The following NCALD variants were observed in gnomAD, a reference collection of about 807,000 sequenced individuals.
The protein encoded by NCALD is neurocalcin-delta.
A neutral mutation model predicts 18.6 loss-of-function variants in NCALD; 10 were observed. The ratio of observed to expected loss-of-function variants is 0.54; its 90% CI spans 0.33 to 0.91. NCALD has a LOEUF of 0.91. NCALD is among the 40% of genes least tolerant of loss of function. The pLI is 0.03. For missense variants in NCALD, 184 were observed against 247.6 expected, an observed-to-expected ratio of 0.74 and a Z score of 1.72; for synonymous variants, 88 against 87.4, an observed-to-expected ratio of 1.01 and a Z score of -0.04.
chr8:102,084,754 G>A (rs368599288), intron 1 of NCALD, among the ~76,000 whole-genome samples: 3 of 152,188 alleles, frequency 2.0e-5, no homozygotes, highest in Non-Finnish European at 4.4e-5. Flanking sequence ...CAACTCCGGA[G>A]ATCTTATCAG....
At chr8:101,901,321 A>G (rs1259864052) in intron 3 of NCALD, among the ~76,000 whole-genome samples, 1 of 151,702 alleles carries the variant, frequency 6.6e-6, no homozygotes, top group African/African-American at 2.4e-5. Flanking sequence ...CATTATGTCA[A>G]TCATCTTTCA....
intron 2 of NCALD, among the ~76,000 whole-genome samples, chr8:101,975,560 T>C (rs6981347): frequency 0.46 from 69,236 of 152,036 alleles, 16,128 homozygotes; most frequent in African/African-American, 0.54. Context: ...GGCTCCTGTG[T>C]CCAACACACC....
At chr8:101,948,670 C>A (rs1819272090) in intron 2 of NCALD, among the ~76,000 whole-genome samples, 1 of 152,076 alleles carries the variant, frequency 6.6e-6, no homozygotes, top group African/African-American at 2.4e-5. Context: ...TGTGTCCCAC[C>A]AAAGGAAGAA....
At chr8:101,956,029 T>G (rs1213087783) in intron 2 of NCALD, among the ~76,000 whole-genome samples, 1 of 152,162 alleles carries the variant, frequency 6.6e-6, no homozygotes, top group African/African-American at 2.4e-5. Flanking sequence ...AGCAAAAATG[T>G]GAACCCATAG....
chr8:102,030,414 A>G (rs914838530), intron 1 of NCALD, among the ~76,000 whole-genome samples: 4 of 152,258 alleles, frequency 2.6e-5, no homozygotes, highest in African/African-American at 9.6e-5. Flanking sequence ...TTTCAGAAAG[A>G]TAACTGCAAT....
intron 2 of NCALD, among the ~76,000 whole-genome samples, chr8:101,990,869 T>C (rs1420592667): frequency 2.6e-5 from 4 of 152,122 alleles, no homozygotes; most frequent in Non-Finnish European, 4.4e-5. Context: ...TATCTATTAG[T>C]AGATATCATA....
chr8:101,759,170 G>A (rs79331803), intron 1 of NCALD, among the ~76,000 whole-genome samples: 6,962 of 152,236 alleles, frequency 0.046, 379 homozygotes, highest in African/African-American at 0.13. Context: ...AGACAAAGAA[G>A]CATTCATAAA....
At chr8:101,844,287 C>A (rs1814774042) in intron 4 of NCALD, among the ~76,000 whole-genome samples, 1 of 152,094 alleles carries the variant, frequency 6.6e-6, no homozygotes, top group African/African-American at 2.4e-5. Context: ...GTTCAGACAC[C>A]AATGAAAGAG....
At chr8:101,808,556 T>A (rs1813192571) in intron 4 of NCALD, among the ~76,000 whole-genome samples, 1 of 152,194 alleles carries the variant, frequency 6.6e-6, no homozygotes, top group Admixed American at 6.5e-5. Flanking sequence ...TAACTCCCCT[T>A]CTAGCTCTGT....
chr8:101,860,958 A>G (rs985444141), intron 4 of NCALD, among the ~76,000 whole-genome samples: 4 of 152,190 alleles, frequency 2.6e-5, no homozygotes, highest in Admixed American at 2.6e-4. Flanking sequence ...GTCAATATTT[A>G]GAATGAAATT....
chr8:101,889,110 C>A (rs1816780926), intron 3 of NCALD, among the ~76,000 whole-genome samples: 1 of 152,166 alleles, frequency 6.6e-6, no homozygotes, highest in African/African-American at 2.4e-5. Context: ...ACTTTTTGTT[C>A]TTTGCCCTTC....
intron 2 of NCALD, among the ~76,000 whole-genome samples, chr8:101,917,012 T>C (rs76168991): frequency 0.057 from 8,611 of 152,134 alleles, 777 homozygotes; most frequent in African/African-American, 0.19. Flanking sequence ...CAGACATCTA[T>C]AGAATACTCC....
chr8:101,934,497 A>G (rs1818688164), intron 2 of NCALD, among the ~76,000 whole-genome samples: 1 of 152,110 alleles, frequency 6.6e-6, no homozygotes, highest in African/African-American at 2.4e-5. Flanking sequence ...AAGCAGAAGA[A>G]AAGAGACCCA....
intron 1 of NCALD, among the ~76,000 whole-genome samples, chr8:102,100,253 T>C (rs926275228): frequency 1.3e-5 from 2 of 152,148 alleles, no homozygotes; most frequent in Non-Finnish European, 2.9e-5. Context: ...TCAAATATAT[T>C]GCAAATTTCT....
chr8:102,023,284 C>T (rs904479402), intron 1 of NCALD, among the ~76,000 whole-genome samples: 9 of 152,096 alleles, frequency 5.9e-5, no homozygotes, highest in Non-Finnish European at 1.2e-4. Context: ...GCAACACTGG[C>T]CATTAGAGAG....
intron 2 of NCALD, among the ~76,000 whole-genome samples, chr8:101,958,409 T>G (rs1819714843): frequency 6.6e-6 from 1 of 152,078 alleles, no homozygotes; most frequent in African/African-American, 2.4e-5. Flanking sequence ...AGCTTCGTTA[T>G]TACATCACTG....
chr8:102,089,703 G>C (rs546662613), intron 1 of NCALD, among the ~76,000 whole-genome samples: 4 of 152,152 alleles, frequency 2.6e-5, no homozygotes, highest in Non-Finnish European at 5.9e-5. Flanking sequence ...TGGGAATGTG[G>C]ATTTTTGGCC....
chr8:101,844,553 G>T (rs1219959113), intron 4 of NCALD, among the ~76,000 whole-genome samples: 1 of 151,884 alleles, frequency 6.6e-6, no homozygotes. Flanking sequence ...TAGAGACAGG[G>T]TCTCGCTGCG....
rs565397690 is a variant in NCALD, at chr8:101,893,250, A to G, written c.-106-6023T>C. Among the ~76,000 whole-genome samples, 7 of 151,850 alleles carry G rather than the reference A, an allele frequency of 4.6e-5. No individual in the cohort carries two copies. In the East Asian group the frequency reaches 7.7e-4, roughly 17 times the overall value. ...AAGAATTGTCAACCCAGAATTTCATATCTAGCCAAACTAAGCTTCATAAGT... is the reference window on the plus strand; with the variant it reads ...AAGAATTGTCAACCCAGAATTTCATGTCTAGCCAAACTAAGCTTCATAAGT... On this transcript the variant is annotated intron_variant, in intron 3 of 6. Coordinates refer to the NCALD transcript ENST00000311028.
Sources: gnomAD v4.1 joint callset for allele counts (sites outside exome capture counted in the v4.1 genomes callset) on GRCh38, gnomAD v4.1.1 for gene constraint, MANE v1.5 for transcripts, NCBI Gene and HGNC (gene_info 2026-07-23, HGNC 2026-07-21) for gene names.